CADM2: variants seen among roughly 807,000 people sequenced by gnomAD.
The protein encoded by CADM2 is cell adhesion molecule 2.
CADM2 carries 12 observed loss-of-function variants against 49.8 expected under a neutral mutation model. The observed-to-expected ratio is 0.24, with a 90% CI of 0.15 to 0.39. The LOEUF is 0.39. CADM2 is among the 10% of genes least tolerant of loss of function. The pLI is 1.00. For missense variants in CADM2, 378 were observed against 492.3 expected, an observed-to-expected ratio of 0.77 and a Z score of 2.20; for synonymous variants, 214 against 175.4, an observed-to-expected ratio of 1.22 and a Z score of -1.74.
chr3:85,033,510 G>GT (rs2035078435), intron 1 of CADM2, among the ~76,000 whole-genome samples: 1 of 152,112 alleles, frequency 6.6e-6, no homozygotes, highest in African/African-American at 2.4e-5. Flanking sequence ...CATAAAATCT[G>GT]TTATTCCTTA....
At chr3:85,333,758 C>T (rs1164494627) in intron 1 of CADM2, among the ~76,000 whole-genome samples, 2 of 151,636 alleles carry the variant, frequency 1.3e-5, no homozygotes, top group African/African-American at 4.8e-5. Context: ...ATTAAGGAAA[C>T]CATATTATAG....
chr3:85,166,362 A>G (rs1031121672), intron 1 of CADM2, among the ~76,000 whole-genome samples: 2 of 151,878 alleles, frequency 1.3e-5, no homozygotes, highest in Non-Finnish European at 3.0e-5. Flanking sequence ...TGGAAATTTG[A>G]TTATTTTATA....
At chr3:85,435,575 C>T (rs937865050) in intron 1 of CADM2, among the ~76,000 whole-genome samples, 74 of 152,036 alleles carry the variant, frequency 4.9e-4, no homozygotes, top group African/African-American at 1.7e-3. Context: ...GGTTTTAGAT[C>T]CTTGAGGAAT....
At chr3:86,029,872 A>G (rs898219752) in intron 8 of CADM2, among the ~76,000 whole-genome samples, 8 of 152,044 alleles carry the variant, frequency 5.3e-5, no homozygotes, top group Admixed American at 3.3e-4. Flanking sequence ...GATGGAATCC[A>G]CAGTCAAGGA....
chr3:85,677,604 A>G lies in CADM2; in HGVS notation c.62-48918A>G, dbSNP rs527555764. ...ACAATAAAATATATAGATAAAATAA[A>G]GAATTATTTTTGAACAAACATAAAG... On this transcript the variant is annotated intron_variant, in intron 1 of 9. Transcript: ENST00000383699. 2.7e-3 allele frequency among the ~76,000 whole-genome samples: 418 copies of G among 152,318 alleles called. 1 individual carries two copies. The highest frequency in any genetic ancestry group is 4.4e-3 in the Non-Finnish European group (302 of 68,020).
intron 1 of CADM2, among the ~76,000 whole-genome samples, chr3:85,571,518 AAAG>A (rs542984043): frequency 2.6e-4 from 40 of 152,296 alleles, no homozygotes; most frequent in Admixed American, 5.2e-4. Context: ...TTGGATAAAA[AAAG>A]AAGTTTAAAA....
At chr3:85,353,892 A>G (rs1351151787) in intron 1 of CADM2, among the ~76,000 whole-genome samples, 1 of 152,022 alleles carries the variant, frequency 6.6e-6, no homozygotes, top group Non-Finnish European at 1.5e-5. Flanking sequence ...AAGTGAAAAT[A>G]TTTATCTTTC....
chr3:85,034,905 C>T (rs2035148424), intron 1 of CADM2, among the ~76,000 whole-genome samples: 1 of 149,692 alleles, frequency 6.7e-6, no homozygotes, highest in African/African-American at 2.5e-5. Context: ...TGGGTTCAAG[C>T]AATTCTCCTG....
intron 8 of CADM2, among the ~76,000 whole-genome samples, chr3:86,050,494 G>C (rs1337783631): frequency 6.6e-6 from 1 of 152,158 alleles, no homozygotes; most frequent in African/African-American, 2.4e-5. Context: ...GCCCCAGTGG[G>C]GACTCTGTGT....
intron 1 of CADM2, among the ~76,000 whole-genome samples, chr3:85,138,746 G>C (rs979314740): frequency 3.3e-5 from 5 of 152,134 alleles, no homozygotes; most frequent in African/African-American, 9.7e-5. Context: ...CCATCCTGGA[G>C]GAGACAGCAC....
chr3:85,475,296 G>A (rs1428149650), intron 1 of CADM2, among the ~76,000 whole-genome samples: 1 of 151,932 alleles, frequency 6.6e-6, no homozygotes, highest in Non-Finnish European at 1.5e-5. Flanking sequence ...ACAGGTGTGT[G>A]CATCTGGCTA....
At chr3:85,577,822 CTT>C (rs1198462284) in intron 1 of CADM2, among the ~76,000 whole-genome samples, 2 of 151,546 alleles carry the variant, frequency 1.3e-5, no homozygotes, top group Non-Finnish European at 2.9e-5. Context: ...TTTTATAAAC[CTT>C]TCTGTGTAAC....
At chr3:86,037,608 C>A (rs566074232) in intron 8 of CADM2, among the ~76,000 whole-genome samples, 1 of 152,094 alleles carries the variant, frequency 6.6e-6, no homozygotes, top group East Asian at 1.9e-4. Context: ...TATGAGCACA[C>A]CTGAAAGGCT....
At chr3:85,195,598 G>A (rs959848942) in intron 1 of CADM2, among the ~76,000 whole-genome samples, 67 of 150,764 alleles carry the variant, frequency 4.4e-4, no homozygotes, top group African/African-American at 1.5e-3. Flanking sequence ...TTCAAAAAAT[G>A]TCAGTAGAGC....
At chr3:85,364,249 C>G (rs1038875631) in intron 1 of CADM2, among the ~76,000 whole-genome samples, 1 of 152,118 alleles carries the variant, frequency 6.6e-6, no homozygotes, top group Admixed American at 6.6e-5. Context: ...ATTTTTATTT[C>G]TATAGCATGT....
intron 1 of CADM2, among the ~76,000 whole-genome samples, chr3:85,309,121 T>A (rs551741981): frequency 6.6e-6 from 1 of 152,066 alleles, no homozygotes; most frequent in Non-Finnish European, 1.5e-5. Context: ...CCATAATTTA[T>A]GGTAAAGGGC....
intron 1 of CADM2, among the ~76,000 whole-genome samples, chr3:85,282,522 T>A (rs2043528487): frequency 6.7e-6 from 1 of 148,424 alleles, no homozygotes; most frequent in East Asian, 2.0e-4. Flanking sequence ...TCTACCCGCC[T>A]CGGCCTCCCA....
chr3:85,975,910 G>C (rs1004856031), intron 8 of CADM2, among the ~76,000 whole-genome samples: 4 of 151,296 alleles, frequency 2.6e-5, no homozygotes, highest in Non-Finnish European at 4.4e-5. Flanking sequence ...AGTTGTCTTG[G>C]TGTCTGTGTT....
At chr3:85,862,401 A>G (rs986836981) in intron 3 of CADM2, among the ~76,000 whole-genome samples, 1 of 152,196 alleles carries the variant, frequency 6.6e-6, no homozygotes, top group African/African-American at 2.4e-5. Context: ...TTCATAGACC[A>G]TTGAAATGAA....
Sources: allele counts gnomAD v4.1 joint callset (sites outside exome capture counted in the v4.1 genomes callset), GRCh38; gene constraint gnomAD v4.1.1; transcripts MANE v1.5; gene names NCBI Gene and HGNC (gene_info 2026-07-23, HGNC 2026-07-21).